The following UGT1A10 variants were observed in gnomAD, a reference collection of about 807,000 sequenced individuals.
UGT1A10 encodes the protein UDP glucuronosyltransferase family 1 member A10.
In UGT1A10, 49 loss-of-function variants were observed where a neutral mutation model predicts 45.8. That is an observed-to-expected ratio of 1.07 (90% CI 0.85 to 1.36). UGT1A10 has a LOEUF of 1.36. UGT1A10 is among the 40% of genes most tolerant of loss of function. The pLI is 0.00. For synonymous variants in UGT1A10, 284 were observed against 249.7 expected (o/e 1.14, Z -1.29); for missense variants, 745 against 668.6 (o/e 1.11, Z -1.26).
chr2:233,762,263 T>A (rs1459310284), intron 1 of UGT1A10, among the ~76,000 whole-genome samples: 1 of 152,194 alleles, frequency 6.6e-6, no homozygotes, highest in Non-Finnish European at 1.5e-5. Context: ...CGAATATGTG[T>A]TACATTAATG....
chr2:233,732,094 T>C (rs1575595970), intron 1 of UGT1A10, among the ~76,000 whole-genome samples: 2 of 152,276 alleles, frequency 1.3e-5, no homozygotes, highest in South Asian at 2.1e-4. Flanking sequence ...TTTTGAGAAG[T>C]GTCTGTTCAT....
intron 1 of UGT1A10, among the ~76,000 whole-genome samples, chr2:233,652,538 C>G (rs1334934578): frequency 6.6e-6 from 1 of 152,238 alleles, no homozygotes. Flanking sequence ...CATTATCATT[C>G]CTCACAAAAT....
chr2:233,761,077 T>A, intron 1 of UGT1A10: 1 of 1,614,202 alleles, frequency 6.2e-7, no homozygotes, highest in Non-Finnish European at 8.5e-7. Flanking sequence ...TGTGAAGGAT[T>A]ACCCTAGGCC....
chr2:233,747,346 G>A (rs1006096980), intron 1 of UGT1A10: 37 of 1,603,044 alleles, frequency 2.3e-5, no homozygotes, highest in African/African-American at 1.5e-4. Context: ...GCTCGCATGC[G>A]GGAGGCCGTG....
chr2:233,644,882 T>C (rs2073557767), intron 1 of UGT1A10, among the ~76,000 whole-genome samples: 1 of 152,306 alleles, frequency 6.6e-6, no homozygotes, highest in East Asian at 1.9e-4. Context: ...CCTGTGTAGA[T>C]AGTTGCTAAC....
intron 1 of UGT1A10, among the ~76,000 whole-genome samples, chr2:233,731,288 T>C (rs1332920122): frequency 3.9e-5 from 6 of 151,912 alleles, no homozygotes; most frequent in Non-Finnish European, 5.9e-5. Context: ...TTCTTTCTTT[T>C]TTTTTTTTTT....
chr2:233,763,296 GAT>G (rs1373689978), intron 1 of UGT1A10, among the ~76,000 whole-genome samples: 1 of 152,054 alleles, frequency 6.6e-6, no homozygotes, highest in African/African-American at 2.4e-5. Flanking sequence ...CCACTTTTTG[GAT>G]ATTAATATTA....
chr2:233,697,214 T>C (rs919890050), intron 1 of UGT1A10, among the ~76,000 whole-genome samples: 2 of 152,152 alleles, frequency 1.3e-5, no homozygotes, highest in Non-Finnish European at 2.9e-5. Flanking sequence ...GTCCTGGGCT[T>C]TTCTTTGATG....
At chr2:233,743,166 TA>T in intron 1 of UGT1A10, 1 of 363,344 alleles carries the variant, frequency 2.8e-6, no homozygotes, top group East Asian at 7.3e-5. Context: ...CAGATGTGCT[TA>T]AAGTCAAATG....
chr2:233,672,034 G>A, intron 1 of UGT1A10: 1 of 1,614,174 alleles, frequency 6.2e-7, no homozygotes, highest in Non-Finnish European at 8.5e-7. Flanking sequence ...AGTGCCCATG[G>A]ATGGGAGCCA....
At chr2:233,728,849 G>A (rs1362831575) in intron 1 of UGT1A10, among the ~76,000 whole-genome samples, 2 of 152,182 alleles carry the variant, frequency 1.3e-5, no homozygotes, top group East Asian at 3.8e-4. Context: ...TTGGGAATTG[G>A]ATGAGAAACA....
intron 1 of UGT1A10, chr2:233,714,008 T>A (rs1460602380): frequency 4.9e-5 from 75 of 1,532,242 alleles, no homozygotes; most frequent in Non-Finnish European, 6.4e-5. Context: ...TGAGATAAAC[T>A]TTTAAAGGGT....
At chr2:233,736,293 T>C (rs1349532860) in intron 1 of UGT1A10, among the ~76,000 whole-genome samples, 2 of 152,248 alleles carry the variant, frequency 1.3e-5, no homozygotes, top group Admixed American at 1.3e-4. Flanking sequence ...TTCTTCCAGT[T>C]GCTCTAATCA....
chr2:233,637,528 C>T (rs2125459940), intron 1 of UGT1A10, 151 bp downstream of exon 1: 1 of 1,385,168 alleles, frequency 7.2e-7, no homozygotes, highest in Middle Eastern at 1.9e-4. Flanking sequence ...TTCATGTACT[C>T]ATCAATTATC....
intron 2 of UGT1A10, 41 bp downstream of exon 2, chr2:233,767,206 A>G: frequency 1.9e-6 from 3 of 1,613,184 alleles, no homozygotes; most frequent in Non-Finnish European, 2.5e-6. Context: ...CTATTTTCAC[A>G]GGAGCGCTAA....
Position 233,744,054 on chromosome 2 carries a change from T to C in UGT1A10, c.856-22980T>C, listed in dbSNP as rs150741507. ...TTATGACGCAGCCACATCTCATTGG[T>C]CGAGGCCTATGAGCGCCTCGCATCC... On this transcript the variant is annotated intron_variant, in intron 1 of 4. Transcript: ENST00000344644. The C allele has an allele frequency of 5.9e-3, 3,770 of 635,096 alleles. 152 individuals carry two copies. In the East Asian group the frequency reaches 0.082, roughly 14 times the overall value. 39.3% of individuals were successfully genotyped at this position (635,096 alleles called of 1,614,324 possible).
intron 1 of UGT1A10, chr2:233,729,807 T>C: frequency 6.2e-7 from 1 of 1,613,974 alleles, no homozygotes; most frequent in Non-Finnish European, 8.5e-7. Context: ...GCCATGCTTT[T>C]TCTGCTCCTT....
chr2:233,719,487 A>G lies in UGT1A10; in HGVS notation c.856-47547A>G, dbSNP rs138822211. ...GCTCTACCCTCTGGCCCTGTCCTAC[A>G]TTTGCCATACTTTTTCTGCCCCTTA... On this transcript the variant is annotated intron_variant, in intron 1 of 4. Transcript: ENST00000344644. 1.2e-5 allele frequency: 20 copies of G among 1,613,508 alleles called. No individual in the cohort carries two copies. In the African/African-American group the frequency reaches 2.7e-4, roughly 22 times the overall value.
In UGT1A10 at chr2:233,682,172, A is replaced by G. The variant is rs1163934109; in HGVS notation, c.855+44795A>G. On this transcript the variant is annotated intron_variant, in intron 1 of 4. Transcript: ENST00000344644. ...GAATTGCACAGTGAAGACTTACTCA[A>G]CCTCATACACTCTGGAGGATCAGGA... The G allele has an allele frequency of 6.2e-6, 10 of 1,614,058 alleles. No individual in the cohort carries two copies. The highest frequency in any genetic ancestry group is 3.3e-5 in the Admixed American group (2 of 60,006).
Sources: gnomAD v4.1 joint callset for allele counts (sites outside exome capture counted in the v4.1 genomes callset) on GRCh38, gnomAD v4.1.1 for gene constraint, MANE v1.5 for transcripts, NCBI Gene and HGNC (gene_info 2026-07-23, HGNC 2026-07-21) for gene names.